The following TNRC6C variants were observed in gnomAD, a reference collection of about 807,000 sequenced individuals.
TNRC6C encodes trinucleotide repeat containing adaptor 6C.
Under a neutral mutation model 153.7 loss-of-function variants are expected in TNRC6C, and 20 were observed. The observed-to-expected ratio is 0.13, with a 90% CI of 0.09 to 0.19. TNRC6C has a LOEUF of 0.19. Ranked by LOEUF, TNRC6C falls within the 10% of genes least tolerant of loss-of-function variation. The pLI, the probability that TNRC6C is intolerant of heterozygous loss-of-function variation, is 1.00. For synonymous variants in TNRC6C, 811 were observed against 841.4 expected (o/e 0.96, Z 0.63); for missense variants, 1,987 against 2,172.0 (o/e 0.91, Z 1.69).
intron 16 of TNRC6C, among the ~76,000 whole-genome samples, chr17:78,095,106 A>G (rs898733915): frequency 9.8e-5 from 15 of 152,344 alleles, no homozygotes; most frequent in Middle Eastern, 3.4e-3. Context: ...TACAGATCCA[A>G]GTCATAAGGG....
intron 1 of TNRC6C, among the ~76,000 whole-genome samples, chr17:77,980,479 C>G (rs926288799): frequency 1.3e-5 from 2 of 152,150 alleles, no homozygotes; most frequent in African/African-American, 4.8e-5. Flanking sequence ...CCAGCTGGGT[C>G]GGTCTCAACA....
chr17:78,040,030 G>T (rs2072261977), intron 2 of TNRC6C, among the ~76,000 whole-genome samples: 1 of 152,248 alleles, frequency 6.6e-6, no homozygotes, highest in Admixed American at 6.5e-5. Flanking sequence ...GTAGGCCAGG[G>T]TGCCTCCCAG....
At chr17:78,017,565 T>TAGC (rs139499422) in intron 1 of TNRC6C, among the ~76,000 whole-genome samples, 5,074 of 152,288 alleles carry the variant, frequency 0.033, 113 homozygotes, top group Non-Finnish European at 0.053. Flanking sequence ...TTAACAATTG[T>TAGC]AGCAACCTGT....
At position 78,104,756 on chromosome 17, in the gene TNRC6C, C is replaced by T. The variant is rs1164204282; in HGVS notation, c.4984C>T (p.Pro1662Ser). 1 of 1,492,466 alleles carries T rather than the reference C, an allele frequency of 6.7e-7. No individual in the cohort carries two copies. 92.5% of individuals were successfully genotyped at this position (1,492,466 alleles called of 1,614,324 possible). The change falls in exon 20 of 20, where the codon CCC becomes TCC. Residue 1662 changes from proline to serine, a missense_variant. Physicochemically the swap from Pro to Ser is moderately conservative, Grantham distance 74. Transcript: ENST00000301624. This position sits in a 1 kb window ranked among gnomAD's most constrained non-coding sequence, Gnocchi z 6.2. ...GTACTCCAGCAGCCTGTGGGGCCCG[C>T]CCAGCGCCGACGACAGCAGGGTGAT...
exon 3 of TNRC6C, chr17:78,050,204 A>G: frequency 1.3e-6 from 2 of 1,539,680 alleles, no homozygotes; most frequent in Non-Finnish European, 1.7e-6. Context: ...GGTGGTGAAC[A>G]CATGAACTCC....
intron 2 of TNRC6C, among the ~76,000 whole-genome samples, chr17:78,036,686 G>A (rs1459353427): frequency 6.6e-6 from 1 of 152,150 alleles, no homozygotes; most frequent in East Asian, 1.9e-4. Context: ...CAGTTTGAGA[G>A]GCCGAGGCAG....
At chr17:77,961,077 T>G (rs1208204252) in intron 1 of TNRC6C, among the ~76,000 whole-genome samples, 2 of 151,924 alleles carry the variant, frequency 1.3e-5, no homozygotes, top group Admixed American at 1.3e-4. Context: ...ATTATAAGGA[T>G]CTGATTTTAA....
At chr17:78,091,968 A>G (rs182647023) in intron 14 of TNRC6C, among the ~76,000 whole-genome samples, 1 of 152,210 alleles carries the variant, frequency 6.6e-6, no homozygotes. Context: ...TCAAATATAC[A>G]GTATGTATGG....
intron 1 of TNRC6C, among the ~76,000 whole-genome samples, chr17:78,010,510 CAT>C (rs1006647486): frequency 1.3e-5 from 2 of 152,128 alleles, no homozygotes; most frequent in Non-Finnish European, 2.9e-5. Flanking sequence ...ATATGTTTTT[CAT>C]ATGTTTTTTC....
chr17:78,091,626 G>T lies in TNRC6C; in HGVS notation c.3970+19G>T, dbSNP rs1401170204. On this transcript the variant is annotated intron_variant, in intron 14 of 19. Transcript: ENST00000301624. ...AAGCATGGTACGTCTGAGCTAGGAT[G>T]CCTGTGGTGGGATCACTGCTGGCTT... 2.0e-6 allele frequency: 3 copies of T among 1,475,856 alleles called. No individual in the cohort carries two copies. The South Asian group carries it at 4.3e-5, about 21-fold the overall frequency. The allele number at this position is 1,475,856 out of a possible 1,614,324, so 91.4% of individuals were successfully genotyped here.
At chr17:78,015,974 G>GGTT (rs2143461261) in intron 1 of TNRC6C, among the ~76,000 whole-genome samples, 1 of 152,268 alleles carries the variant, frequency 6.6e-6, no homozygotes, top group African/African-American at 2.4e-5. Flanking sequence ...GATTTCGGCT[G>GGTT]AAGAATATAG....
intron 2 of TNRC6C, among the ~76,000 whole-genome samples, chr17:78,038,235 C>T (rs754846324): frequency 1.6e-4 from 25 of 152,100 alleles, no homozygotes; most frequent in Admixed American, 1.2e-3. Flanking sequence ...GACATGTTTA[C>T]AGTGTAAATA....
chr17:78,043,388 T>C (rs1356438496), intron 2 of TNRC6C, among the ~76,000 whole-genome samples: 2 of 152,224 alleles, frequency 1.3e-5, no homozygotes, highest in Non-Finnish European at 1.5e-5. Context: ...TAAAATAGCA[T>C]TGTTCCAAAT....
intron 1 of TNRC6C, among the ~76,000 whole-genome samples, chr17:77,993,110 C>G (rs116072094): frequency 2.6e-5 from 4 of 152,122 alleles, no homozygotes; most frequent in Non-Finnish European, 5.9e-5. Flanking sequence ...GGATTACACC[C>G]GCCATCATGC....
At chr17:78,103,647 A>G (rs750289291) in intron 19 of TNRC6C, 94 bp downstream of exon 22, 36 of 1,522,794 alleles carry the variant, frequency 2.4e-5, no homozygotes, top group Non-Finnish European at 3.0e-5. Flanking sequence ...CTGAGCCACC[A>G]TAGCAGAATC....
exon 14 of TNRC6C, chr17:78,091,538 A>G: frequency 6.2e-7 from 1 of 1,608,210 alleles, no homozygotes; most frequent in Non-Finnish European, 8.5e-7. Context: ...CCCCCAGTGG[A>G]CGCACCCCAA....
At chr17:77,964,149 T>C (rs2070880625) in intron 1 of TNRC6C, among the ~76,000 whole-genome samples, 1 of 152,246 alleles carries the variant, frequency 6.6e-6, no homozygotes, top group Admixed American at 6.5e-5. Flanking sequence ...ATAACAAATT[T>C]TTAATTTTTT....
rs371786739 is a variant in TNRC6C at position 77,993,493 on chromosome 17, A to C, written c.-37-10677A>C. Among the ~76,000 whole-genome samples, 9 of 152,364 alleles carry C rather than the reference A, an allele frequency of 5.9e-5. No individual in the cohort carries two copies. In the East Asian group the frequency reaches 9.6e-4, roughly 16 times the overall value. ...CAGAAACAACGAGCTATAACTAATA[A>C]ATACTTGTTAGTATACAAAGTATGG... On this transcript the variant is annotated intron_variant, in intron 1 of 22. Transcript: ENST00000636222.
At chr17:78,087,188 G>A in intron 13 of TNRC6C, 95 bp downstream of exon 15, 2 of 1,529,998 alleles carry the variant, frequency 1.3e-6, no homozygotes, top group Non-Finnish European at 1.8e-6. Flanking sequence ...TGGTTAGGAG[G>A]ACTGGCCAGC....
Sources: gnomAD v4.1 joint callset for allele counts (sites outside exome capture counted in the v4.1 genomes callset) on GRCh38, gnomAD v4.1.1 for gene constraint, Gnocchi (gnomAD v3.1) non-coding constraint, MANE v1.5 for transcripts, NCBI Gene and HGNC (gene_info 2026-07-23, HGNC 2026-07-21) for gene names.